Variants in NF1 observed in about 807,000 individuals in gnomAD.
NF1 encodes the protein neurofibromin.
A neutral mutation model predicts 325.7 loss-of-function variants in NF1; 122 were observed. That is an observed-to-expected ratio of 0.37 (90% CI 0.32 to 0.44). The LOEUF is 0.44. Ranked by LOEUF, NF1 falls within the 20% of genes least tolerant of loss-of-function variation. The pLI is 1.00. For synonymous variants in NF1, 1,091 were observed against 1,186.0 expected (o/e 0.92, Z 1.65); for missense variants, 2,140 against 3,415.4 (o/e 0.63, Z 9.31).
rs140783507 is a variant in NF1 at position 31,274,814 on chromosome 17, C to T, written c.4835+9475C>T. Among the ~76,000 whole-genome samples the T allele has an allele frequency of 7.8e-4, 119 of 152,152 alleles. No homozygotes were observed. In the Middle Eastern group the frequency reaches 0.01, roughly 13 times the overall value. On this transcript the variant is annotated intron_variant, in intron 36 of 57. Coordinates refer to ENST00000358273, the MANE Select transcript of NF1 (RefSeq NM_001042492.3). ...ACTTATTCTATTTTTCTAATCTTGA[C>T]CTTTTGAGTACTACACTTACACAAC...
At chr17:31,140,808 C>A (rs542506332) in intron 1 of NF1, among the ~76,000 whole-genome samples, 1 of 152,168 alleles carries the variant, frequency 6.6e-6, no homozygotes, top group Non-Finnish European at 1.5e-5. Context: ...TCATTTGCCA[C>A]AACTTGGTTG....
intron 12 of NF1, among the ~76,000 whole-genome samples, chr17:31,207,668 A>C (rs2066647985): frequency 1.3e-5 from 2 of 152,192 alleles, no homozygotes; most frequent in South Asian, 2.1e-4. Flanking sequence ...AAGTTGAAGA[A>C]ATTTTCAGTA....
At chr17:31,345,453 C>T (rs1435593937) in intron 48 of NF1, 4 of 1,385,816 alleles carry the variant, frequency 2.9e-6, no homozygotes, top group Non-Finnish European at 3.9e-6. Flanking sequence ...AAACAAAGTT[C>T]CCGGGGCTCC....
At chr17:31,136,832 AC>A (rs1404728828) in intron 1 of NF1, 1 of 152,192 alleles carries the variant, frequency 6.6e-6, no homozygotes, top group Non-Finnish European at 1.5e-5. Context: ...TAGGAAAAAA[AC>A]ATAGTATATA....
intron 1 of NF1, among the ~76,000 whole-genome samples, chr17:31,101,682 C>T (rs1248382038): frequency 6.6e-6 from 1 of 152,050 alleles, no homozygotes; most frequent in Non-Finnish European, 1.5e-5. Context: ...TTTCTAATTC[C>T]TGTCCATCCT....
At chr17:31,123,830 T>C (rs1015238253) in intron 1 of NF1, among the ~76,000 whole-genome samples, 10 of 152,218 alleles carry the variant, frequency 6.6e-5, no homozygotes, top group Admixed American at 2.0e-4. Context: ...ATGTACCAGC[T>C]TGGGCGATAG....
chr17:31,151,586 C>G (rs1274543243), intron 1 of NF1, among the ~76,000 whole-genome samples: 1 of 152,114 alleles, frequency 6.6e-6, no homozygotes, highest in Admixed American at 6.5e-5. Context: ...ATGCTCAAGT[C>G]CCTGATATGA....
intron 12 of NF1, among the ~76,000 whole-genome samples, chr17:31,211,573 TG>T (rs1223179057): frequency 6.6e-6 from 1 of 152,196 alleles, no homozygotes; most frequent in African/African-American, 2.4e-5. Flanking sequence ...TGAACCTAGA[TG>T]GTTATATAGC....
chr17:31,140,917 CAG>C (rs1307476047), intron 1 of NF1, among the ~76,000 whole-genome samples: 2 of 152,036 alleles, frequency 1.3e-5, no homozygotes, highest in South Asian at 2.1e-4. Flanking sequence ...TATACGGAGA[CAG>C]AGAATAAAAC....
In NF1 at chr17:31,337,790, A is replaced by G. The variant is rs201506694; in HGVS notation, c.6643-29A>G. 10 of 1,607,374 alleles carry G rather than the reference A, an allele frequency of 6.2e-6. No individual in the cohort carries two copies. In the African/African-American group the frequency reaches 6.7e-5, roughly 11 times the overall value. On this transcript the variant is annotated intron_variant, in intron 43 of 57. Coordinates refer to ENST00000358273, the MANE Select transcript of NF1 (RefSeq NM_001042492.3). ...ACAGTTCTAAAAACATTTATGTACA[A>G]TATGTATTCAGAGTATCCCCTTTTT...
chr17:31,367,263 C>G, intron 57 of NF1: 1 of 1,312,070 alleles, frequency 7.6e-7, no homozygotes, highest in African/African-American at 1.5e-5. Flanking sequence ...TTTCATGCAG[C>G]TGTTCCCTCA....
At chr17:31,226,823 A>G in intron 18 of NF1, 139 bp downstream of exon 18, 1 of 1,167,266 alleles carries the variant, frequency 8.6e-7, no homozygotes, top group South Asian at 1.3e-5. Context: ...TTTTCTGAAC[A>G]AAGTAAGATG....
chr17:31,311,535 A>C (rs545265127), intron 36 of NF1, among the ~76,000 whole-genome samples: 1 of 152,374 alleles, frequency 6.6e-6, no homozygotes, highest in African/African-American at 2.4e-5. Context: ...GCCATTCTGC[A>C]TCTTGAGGAA....
intron 8 of NF1, among the ~76,000 whole-genome samples, chr17:31,197,172 G>A (rs1379039005): frequency 1.3e-5 from 2 of 151,708 alleles, no homozygotes; most frequent in Non-Finnish European, 2.9e-5. Context: ...AGCCTCCCAA[G>A]TATCTGGGAC....
At chr17:31,326,805 G>A (rs1332093126) in intron 37 of NF1, among the ~76,000 whole-genome samples, 1 of 152,222 alleles carries the variant, frequency 6.6e-6, no homozygotes, top group Non-Finnish European at 1.5e-5. Flanking sequence ...CATTCAAATT[G>A]TAGGAATGTG....
rs1305841472 is a variant in NF1, at chr17:31,261,780, A to G, written c.4647A>G (p.Pro1549=). The change falls in exon 35 of 58, where the codon CCA becomes CCG. Residue 1549 remains proline, a synonymous_variant. Coordinates refer to ENST00000358273, the MANE Select transcript of NF1 (RefSeq NM_001042492.3). ...MATLLAYLGP[P]EHKPVADTHW... is the part of the protein sequence containing the mutation. ...CACTTCTTGCATACCTGGGTCCTCC[A>G]GAGCACAAACCTGTGGCAGATACAC... is the stretch of plus-strand genomic sequence containing the variant. 6.2e-7 allele frequency: 1 copy of G among 1,612,622 alleles called. No homozygotes were observed. Among genetic ancestry groups the G allele is most frequent in the Non-Finnish European group, 8.5e-7 (1 of 1,179,980 alleles).
chr17:31,297,797 C>T (rs2068497395), intron 36 of NF1, among the ~76,000 whole-genome samples: 1 of 152,102 alleles, frequency 6.6e-6, no homozygotes, highest in South Asian at 2.1e-4. Flanking sequence ...TTATCAACCA[C>T]TTAAGTGTTC....
At chr17:31,271,787 C>T (rs2067903245) in intron 36 of NF1, among the ~76,000 whole-genome samples, 1 of 151,540 alleles carries the variant, frequency 6.6e-6, no homozygotes, top group Non-Finnish European at 1.5e-5. Flanking sequence ...CAACTTCCCC[C>T]ATACCACTCC....
intron 51 of NF1, among the ~76,000 whole-genome samples, chr17:31,354,992 G>A (rs536695530): frequency 1.3e-5 from 2 of 152,170 alleles, no homozygotes; most frequent in South Asian, 4.1e-4. Flanking sequence ...GGACTAATAC[G>A]TTCACAGTAC....
Sources: gnomAD v4.1 joint callset for allele counts (sites outside exome capture counted in the v4.1 genomes callset) on GRCh38, gnomAD v4.1.1 for gene constraint, MANE v1.5 for transcripts, NCBI Gene and HGNC (gene_info 2026-07-23, HGNC 2026-07-21) for gene names.